FAT3: variants seen among roughly 807,000 people sequenced by gnomAD.
The protein encoded by FAT3 is protocadherin Fat 3.
Under a neutral mutation model 310.2 loss-of-function variants are expected in FAT3, and 95 were observed. That is an observed-to-expected ratio of 0.31 (90% CI 0.26 to 0.36). FAT3 has a LOEUF of 0.36. FAT3 is among the 10% of genes least tolerant of loss of function. FAT3 has a pLI of 1.00. For synonymous variants in FAT3, 2,314 were observed against 2,192.9 expected (o/e 1.06, Z -1.54); for missense variants, 5,408 against 5,715.6 (o/e 0.95, Z 1.74).
chr11:92,287,757 T>G (rs889266109), intron 1 of FAT3, among the ~76,000 whole-genome samples: 1 of 152,112 alleles, frequency 6.6e-6, no homozygotes, highest in African/African-American at 2.4e-5. Flanking sequence ...CAAGTTCAGC[T>G]CTCCAAATGA....
chr11:92,820,561 C>T (rs1216228656), intron 13 of FAT3, among the ~76,000 whole-genome samples: 1 of 152,064 alleles, frequency 6.6e-6, no homozygotes, highest in Non-Finnish European at 1.5e-5. Context: ...TGTGAGGCAG[C>T]CCTGAGAGAG....
intron 4 of FAT3, among the ~76,000 whole-genome samples, chr11:92,728,704 C>G (rs922685851): frequency 1.3e-5 from 2 of 152,148 alleles, no homozygotes; most frequent in Admixed American, 1.3e-4. Context: ...GTCAGCAGGG[C>G]CAGGCACCCT....
chr11:92,400,616 T>C (rs1949992006), intron 2 of FAT3: 2 of 152,040 alleles, frequency 1.3e-5, no homozygotes, highest in African/African-American at 4.8e-5. Flanking sequence ...AACAGCGCTA[T>C]GAAGGAGGTA....
At chr11:92,832,233 C>T (rs982180099) in intron 14 of FAT3, among the ~76,000 whole-genome samples, 4 of 152,050 alleles carry the variant, frequency 2.6e-5, no homozygotes, top group South Asian at 2.1e-4. Context: ...CTGCTTGGGA[C>T]GTTGAGATGG....
chr11:92,277,781 T>G (rs999410165), intron 1 of FAT3, among the ~76,000 whole-genome samples: 8 of 152,006 alleles, frequency 5.3e-5, no homozygotes, highest in Non-Finnish European at 1.0e-4. Flanking sequence ...CGGGGTCACT[T>G]GTACTCCAAA....
chr11:92,662,721 A>C (rs971204772), intron 3 of FAT3, among the ~76,000 whole-genome samples: 24 of 152,206 alleles, frequency 1.6e-4, no homozygotes, highest in African/African-American at 5.8e-4. Flanking sequence ...AACACCAGAG[A>C]AAAAGGAAGG....
chr11:92,396,461 G>T (rs576365713), intron 2 of FAT3, among the ~76,000 whole-genome samples: 41 of 152,250 alleles, frequency 2.7e-4, no homozygotes, highest in African/African-American at 9.6e-4. Context: ...GGAAGATCCC[G>T]TCTACATGTA....
intron 2 of FAT3, among the ~76,000 whole-genome samples, chr11:92,438,709 G>C (rs938280358): frequency 1.3e-5 from 2 of 152,186 alleles, no homozygotes; most frequent in East Asian, 1.9e-4. Context: ...CTCAAGGTCA[G>C]GACAGTTGCA....
chr11:92,814,077 C>T (rs1381660071), intron 13 of FAT3, among the ~76,000 whole-genome samples: 6 of 152,174 alleles, frequency 3.9e-5, no homozygotes, highest in Admixed American at 1.3e-4. Context: ...ATAGAACGTG[C>T]CCCCACCAAC....
chr11:92,304,194 T>C (rs1002808253), intron 1 of FAT3, among the ~76,000 whole-genome samples: 1 of 152,086 alleles, frequency 6.6e-6, no homozygotes, highest in Non-Finnish European at 1.5e-5. Flanking sequence ...GGTGGCTCCT[T>C]TGTGGCCTCC....
chr11:92,701,126 A>G (rs1400448302), intron 4 of FAT3, among the ~76,000 whole-genome samples: 2 of 152,208 alleles, frequency 1.3e-5, no homozygotes, highest in African/African-American at 4.8e-5. Flanking sequence ...TCTTAAACTC[A>G]TATTAACCTT....
chr11:92,793,036 G>A, intron 9 of FAT3, 59 bp downstream of exon 9: 1 of 1,524,620 alleles, frequency 6.6e-7, no homozygotes, highest in Non-Finnish European at 9.0e-7. Context: ...ACCCTCAGTA[G>A]TATTTATCAC....
chr11:92,699,240 T>C (rs1944026082), intron 4 of FAT3, among the ~76,000 whole-genome samples: 1 of 152,198 alleles, frequency 6.6e-6, no homozygotes, highest in Non-Finnish European at 1.5e-5. Flanking sequence ...AATAAATTAG[T>C]ACAAACATAT....
At chr11:92,879,499 TAAGC>T (rs1387753312) in intron 22 of FAT3, among the ~76,000 whole-genome samples, 5 of 152,020 alleles carry the variant, frequency 3.3e-5, no homozygotes, top group Non-Finnish European at 5.9e-5. Context: ...TATTCAGAAA[TAAGC>T]AAGCAAAAAC....
At chr11:92,885,167 A>G (rs988919453) in intron 24 of FAT3, among the ~76,000 whole-genome samples, 3 of 152,222 alleles carry the variant, frequency 2.0e-5, no homozygotes, top group Non-Finnish European at 4.4e-5. Flanking sequence ...GGCAGAAGCC[A>G]GAATGCAAGG....
intron 3 of FAT3, among the ~76,000 whole-genome samples, chr11:92,608,705 T>C (rs1940420632): frequency 6.8e-6 from 1 of 146,438 alleles, no homozygotes; most frequent in African/African-American, 2.6e-5. Context: ...CATGAAAATA[T>C]AGTCCTGAAT....
At chr11:92,838,314 G>T (rs1286935361) in intron 17 of FAT3, among the ~76,000 whole-genome samples, 1 of 152,120 alleles carries the variant, frequency 6.6e-6, no homozygotes, top group Non-Finnish European at 1.5e-5. Context: ...GGATAGAGCT[G>T]GTACTCATTA....
At chr11:92,732,567 A>G (rs1179651017) in intron 4 of FAT3, among the ~76,000 whole-genome samples, 1 of 152,166 alleles carries the variant, frequency 6.6e-6, no homozygotes, top group Non-Finnish European at 1.5e-5. Context: ...AGAGAAAAAC[A>G]TTGCTTCTAG....
chr11:92,428,877 T>C (rs1950700320), intron 2 of FAT3, among the ~76,000 whole-genome samples: 1 of 152,200 alleles, frequency 6.6e-6, no homozygotes, highest in Non-Finnish European at 1.5e-5. Flanking sequence ...TGGAGAGTTC[T>C]GCAGATGTCT....
Sources: gnomAD v4.1 joint callset for allele counts (sites outside exome capture counted in the v4.1 genomes callset) on GRCh38, gnomAD v4.1.1 for gene constraint, MANE v1.5 for transcripts, NCBI Gene and HGNC (gene_info 2026-07-23, HGNC 2026-07-21) for gene names.